Variants in PRMT2 observed in about 807,000 individuals in gnomAD.
PRMT2 encodes the protein protein arginine methyltransferase 2.
A neutral mutation model predicts 57.6 loss-of-function variants in PRMT2; 26 were observed. The observed-to-expected ratio is 0.45, with a 90% CI of 0.33 to 0.63. The LOEUF (loss-of-function observed/expected upper bound fraction) is 0.63. Among genes scored for constraint, PRMT2 ranks in the 20% least tolerant of loss-of-function variants. The pLI is 0.02. For missense variants in PRMT2, 472 were observed against 564.4 expected (o/e 0.84, Z 1.66); for synonymous variants, 219 against 220.0 (o/e 1.00, Z 0.04).
At chr21:46,646,793 A>AATTATACACTTGG (rs1345589540) in intron 5 of PRMT2, among the ~76,000 whole-genome samples, 3 of 152,190 alleles carry the variant, frequency 2.0e-5, no homozygotes, top group Admixed American at 1.3e-4. Context: ...AAGATTTGCT[A>AATTATACACTTGG]ATTATACACT....
intron 3 of PRMT2, 114 bp from the exon 4 acceptor site, chr21:46,643,421 T>C (rs2061311962): frequency 7.4e-7 from 1 of 1,351,060 alleles, no homozygotes; most frequent in East Asian, 2.7e-5. Context: ...GTATAATAAA[T>C]ACTTGGACAC....
chr21:46,653,785 A>T (rs1404655906), intron 7 of PRMT2: 1 of 1,099,900 alleles, frequency 9.1e-7, no homozygotes, highest in Non-Finnish European at 1.1e-6. Flanking sequence ...AAGTACAGAG[A>T]CATCTTTTTC....
chr21:46,658,894 G>C lies in PRMT2; in HGVS notation c.804G>C (p.Ala268=). 1 of 1,614,108 alleles carries C rather than the reference G, an allele frequency of 6.2e-7. No homozygotes were observed. Among genetic ancestry groups the C allele is most frequent in the Middle Eastern group, 1.6e-4 (1 of 6,062 alleles). The change falls in exon 8 of 12, where the codon GCG becomes GCC. Residue 268 remains alanine, a synonymous_variant. Transcript: ENST00000355680. ...YRSKVLFWDN[A]YEFNLSALKS... ...GCAAGGTGCTCTTCTGGGACAACGC[G>C]TACGAGTTCAACCTCAGCGCTCTGA...
intron 10 of PRMT2, among the ~76,000 whole-genome samples, chr21:46,662,599 C>T (rs1259162958): frequency 6.6e-6 from 1 of 152,168 alleles, no homozygotes; most frequent in South Asian, 2.1e-4. Flanking sequence ...CAGTTATACC[C>T]ATCCCCGAGT....
chr21:46,659,028 G>A, intron 8 of PRMT2, 108 bp downstream of exon 8: 1 of 1,468,634 alleles, frequency 6.8e-7, no homozygotes, highest in Non-Finnish European at 9.0e-7. Context: ...GGATAAATGA[G>A]GGTACCTGTG....
At chr21:46,650,034 T>A in intron 7 of PRMT2, 1 of 1,313,746 alleles carries the variant, frequency 7.6e-7, no homozygotes, top group Non-Finnish European at 1.0e-6. Context: ...GCCTAACAGG[T>A]AAGGCTGTTT....
At chr21:46,636,659 A>C (rs1421971409) in intron 2 of PRMT2, 112 bp downstream of exon 2, 2 of 383,832 alleles carry the variant, frequency 5.2e-6, no homozygotes, top group East Asian at 9.3e-5. Flanking sequence ...GGCTTCAGCA[A>C]ATGAACAAGA....
chr21:46,661,459 C>G (rs2061619214), intron 9 of PRMT2: 1 of 180,674 alleles, frequency 5.5e-6, no homozygotes, highest in Non-Finnish European at 1.1e-5. Flanking sequence ...GGGGCGGGCG[C>G]GGTGGCGCCG....
rs752007367 is a variant in PRMT2 at position 46,649,555 on chromosome 21, C to T, written c.490-20C>T. The T allele has an allele frequency of 5.0e-5, 80 of 1,613,736 alleles. 2 individuals are homozygous for T. In the South Asian group the frequency reaches 5.1e-4, roughly 10 times the overall value. ...CGTGTGCCGGCCGGATGTACGCTGA[C>T]GGTGCCTCTGCTGCTGCAGGTGTAC... On this transcript the variant is annotated intron_variant, in intron 6 of 11. Coordinates refer to ENST00000355680, the MANE Select transcript of PRMT2 (RefSeq NM_206962.4). This position sits in a 1 kb window ranked among gnomAD's most constrained non-coding sequence, Gnocchi z 4.8.
chr21:46,658,903 C>A lies in PRMT2; in HGVS notation c.813C>A (p.Phe271Leu). Residue 271 changes from phenylalanine to leucine, a missense_variant, in exon 8 of 12, where the codon TTC (phenylalanine) becomes TTA (leucine). Physicochemically the swap from Phe to Leu is conservative, Grantham distance 22 (BLOSUM62 0). Around this residue, in one of 2 missense-constraint regions of PRMT2, gnomAD observed 229 missense variants for 217.2 expected, o/e 1.05. Transcript: ENST00000355680. ...KVLFWDNAYE[F>L]NLSALKSLAV... ...TCTTCTGGGACAACGCGTACGAGTT[C>A]AACCTCAGCGCTCTGAAGTAAGTGT... 1 of 1,613,910 alleles carries A rather than the reference C, an allele frequency of 6.2e-7. No individual in the cohort carries two copies. Among genetic ancestry groups the A allele is most frequent in the Non-Finnish European group, 8.5e-7 (1 of 1,179,854 alleles).
chr21:46,651,749 G>A, intron 7 of PRMT2: 4 of 1,581,792 alleles, frequency 2.5e-6, no homozygotes, highest in South Asian at 2.2e-5. Flanking sequence ...AGGGAGGGAG[G>A]GTATGAATCT....
intron 7 of PRMT2, chr21:46,657,832 G>A (rs577650941): frequency 3.7e-4 from 57 of 152,304 alleles, no homozygotes; most frequent in Middle Eastern, 3.4e-3. Context: ...AAAATAAGAT[G>A]TATATATTTT....
At chr21:46,646,376 C>T (rs2061365445) in intron 5 of PRMT2, among the ~76,000 whole-genome samples, 1 of 152,210 alleles carries the variant, frequency 6.6e-6, no homozygotes, top group Admixed American at 6.5e-5. Flanking sequence ...TCTGCCGCCT[C>T]TCAGCTCAAA....
chr21:46,645,084 G>T (rs934322072), intron 5 of PRMT2, among the ~76,000 whole-genome samples: 3 of 144,316 alleles, frequency 2.1e-5, no homozygotes, highest in Non-Finnish European at 4.6e-5. Flanking sequence ...AATATAATTC[G>T]TCTCTACAAA....
In PRMT2 at chr21:46,664,851, A is replaced by ATGTACTATCC. The variant is rs1204817329; in HGVS notation, c.*524_*525insTGTACTATCC. On this transcript the variant is annotated 3_prime_UTR_variant, in exon 12 of 12. Coordinates refer to ENST00000355680, the MANE Select transcript of PRMT2 (RefSeq NM_206962.4). Reference sequence around the variant, plus strand: ...CTAAGGTGGTGATGTATGCGATGGGACTCTGCATGGGATAGTACAGTTGTG... The same window carrying ATGTACTATCC: ...CTAAGGTGGTGATGTATGCGATGGGATGTACTATCCCTCTGCATGGGATAGTACAGTTGTG... The ATGTACTATCC allele has an allele frequency of 1.2e-5, 2 of 172,716 alleles. No individual in the cohort carries two copies. The highest frequency in any genetic ancestry group is 4.7e-5 in the African/African-American group (2 of 42,828). 10.7% of individuals were successfully genotyped at this position (172,716 alleles called of 1,614,324 possible).
Position 46,648,721 on chromosome 21 carries a change from C to T in PRMT2, c.489+102C>T, listed in dbSNP as rs1032073865. 55 of 1,434,556 alleles carry T rather than the reference C, an allele frequency of 3.8e-5. No homozygotes were observed. Among genetic ancestry groups the T allele is most frequent in the Non-Finnish European group, 5.1e-5 (53 of 1,045,962 alleles). The allele number at this position is 1,434,556 out of a possible 1,614,324, so 88.9% of individuals were successfully genotyped here. A position where few individuals can be genotyped will look rare whatever the true frequency, so the allele number is the denominator to read the frequency against. ...ACTTGTGACCCTGAGCTGTTGGGGG[C>T]TCACCGGTGACTCCATGGTCTTGTT... On this transcript the variant is annotated intron_variant, in intron 6 of 11. Coordinates refer to ENST00000355680, the MANE Select transcript of PRMT2 (RefSeq NM_206962.4). This position sits in a 1 kb window ranked among gnomAD's most constrained non-coding sequence, Gnocchi z 4.8.
Position 46,658,798 on chromosome 21 carries a change from G to C in PRMT2, c.708G>C (p.Glu236Asp). The change falls in exon 8 of 12, where the codon GAG becomes GAC. Residue 236 changes from glutamate to aspartate, a missense_variant. By Grantham distance (45) the Glu-to-Asp change is conservative (BLOSUM62 2). Around this residue, in one of 2 missense-constraint regions of PRMT2, gnomAD observed 243 missense variants for 347.2 expected, o/e 0.70. Transcript: ENST00000355680. ...ILYARDAWLK[E>D]DGVIWPTMAA... ...ATGCCCGGGATGCCTGGCTGAAGGA[G>C]GACGGGGTCATTTGGCCCACCATGG... 1 of 1,614,232 alleles carries C rather than the reference G, an allele frequency of 6.2e-7. No homozygotes were observed. Among genetic ancestry groups the C allele is most frequent in the Non-Finnish European group, 8.5e-7 (1 of 1,180,038 alleles).
In PRMT2 at chr21:46,646,741, A is replaced by G. The variant is rs117715915; in HGVS notation, c.328-1717A>G. Among the ~76,000 whole-genome samples, 61 of 152,308 alleles carry G rather than the reference A, an allele frequency of 4.0e-4. No individual in the cohort carries two copies. In the East Asian group the frequency reaches 0.011, roughly 27 times the overall value. ...CGGGGTGTGTGTGTGTAGTGTGTAC[A>G]TGTGGTTTCCTTAAGTGGATCTTGC... On this transcript the variant is annotated intron_variant, in intron 5 of 11. Coordinates refer to ENST00000355680, the MANE Select transcript of PRMT2 (RefSeq NM_206962.4).
intron 3 of PRMT2, among the ~76,000 whole-genome samples, chr21:46,642,740 C>T (rs547903794): frequency 1.4e-4 from 21 of 152,116 alleles, no homozygotes; most frequent in Non-Finnish European, 2.6e-4. Context: ...ATAAAGTGAA[C>T]GGCCAGGCAT....
Sources: allele counts gnomAD v4.1 joint callset (sites outside exome capture counted in the v4.1 genomes callset), GRCh38; gene constraint gnomAD v4.1.1; regional missense constraint gnomAD v4.1.1; non-coding constraint Gnocchi (gnomAD v3.1); transcripts MANE v1.5; gene names NCBI Gene and HGNC (gene_info 2026-07-23, HGNC 2026-07-21).